The following SLC14A2 variants were observed in gnomAD, a reference collection of about 807,000 sequenced individuals.
SLC14A2 encodes solute carrier family 14 member 2.
Under a neutral mutation model 104.6 loss-of-function variants are expected in SLC14A2, and 91 were observed. The ratio of observed to expected loss-of-function variants is 0.87; its 90% CI spans 0.73 to 1.04. The LOEUF (loss-of-function observed/expected upper bound fraction) is 1.04, where lower values mean the gene tolerates loss of function less well. Ranked by LOEUF, SLC14A2 falls within the 50% of genes least tolerant of loss-of-function variation. The probability of loss-of-function intolerance (pLI) is 0.00; values close to 1 mark genes in which losing one functional copy is unlikely to be tolerated. For synonymous variants in SLC14A2, 476 were observed against 466.4 expected, an observed-to-expected ratio of 1.02 and a Z score of -0.27; for missense variants, 1,189 against 1,156.0, an observed-to-expected ratio of 1.03 and a Z score of -0.41.
chr18:45,574,938 C>T (rs2044398365), intron 2 of SLC14A2, among the ~76,000 whole-genome samples: 1 of 152,202 alleles, frequency 6.6e-6, no homozygotes, highest in Admixed American at 6.5e-5. Context: ...TGGCCTCCTT[C>T]AAGTCCTGAA....
At chr18:45,481,410 T>C (rs1263614613) in intron 1 of SLC14A2, among the ~76,000 whole-genome samples, 6 of 152,214 alleles carry the variant, frequency 3.9e-5, no homozygotes, top group Non-Finnish European at 8.8e-5. Context: ...CGCAAATTAC[T>C]GCAATTAATA....
At chr18:45,416,137 A>C (rs575396675) in intron 1 of SLC14A2, among the ~76,000 whole-genome samples, 1 of 152,220 alleles carries the variant, frequency 6.6e-6, no homozygotes, top group South Asian at 2.1e-4. Context: ...GAAAGAATAT[A>C]ATATGGAGAG....
chr18:45,240,354 C>T (rs1197908563), intron 1 of SLC14A2, among the ~76,000 whole-genome samples: 1 of 151,964 alleles, frequency 6.6e-6, no homozygotes, highest in African/African-American at 2.4e-5. Flanking sequence ...CTCGGCCCCC[C>T]AAAGCTCTGG....
chr18:45,193,007 T>A, the SLC14A2 span, among the ~76,000 whole-genome samples: 2 of 152,300 alleles, frequency 1.3e-5, no homozygotes, highest in South Asian at 4.1e-4. Flanking sequence ...CTAATGATTA[T>A]CTTGTCATAT....
chr18:45,667,972 C>T lies in SLC14A2; in HGVS notation c.1857C>T (p.Cys619=), dbSNP rs2046058266. 2 of 1,614,028 alleles carry T rather than the reference C, an allele frequency of 1.2e-6. No individual in the cohort carries two copies. Among genetic ancestry groups the T allele is most frequent in the Non-Finnish European group, 1.7e-6 (2 of 1,180,016 alleles). ...IQNPWWAISG[C]LGTIMSTLTA... ...ACCCCTGGTGGGCGATCTCAGGCTG[C>T]CTGGGTACCATCATGTCCACCTTGA... The change falls in exon 14 of 20, where the codon TGC becomes TGT. Residue 619 remains cysteine (C), a synonymous_variant. Transcript: ENST00000255226.
At chr18:45,539,424 G>A (rs894339083) in intron 2 of SLC14A2, among the ~76,000 whole-genome samples, 3 of 152,198 alleles carry the variant, frequency 2.0e-5, no homozygotes, top group African/African-American at 7.2e-5. Flanking sequence ...GACAGGCCAG[G>A]CCAATGGAGT....
chr18:45,658,243 G>A (rs1331890866), intron 10 of SLC14A2, among the ~76,000 whole-genome samples: 2 of 152,008 alleles, frequency 1.3e-5, no homozygotes, highest in East Asian at 3.9e-4. Flanking sequence ...ACTGAAAGAT[G>A]GACAACATCA....
chr18:45,659,851 G>A (rs201220532), intron 10 of SLC14A2, among the ~76,000 whole-genome samples: 91 of 151,980 alleles, frequency 6.0e-4, no homozygotes, highest in African/African-American at 9.4e-4. Context: ...CAGGCTGGAC[G>A]TGGTGGCTCA....
intron 1 of SLC14A2, among the ~76,000 whole-genome samples, chr18:45,305,957 A>G (rs1053565782): frequency 1.3e-5 from 2 of 152,266 alleles, no homozygotes; most frequent in Non-Finnish European, 2.9e-5. Flanking sequence ...TAGGGAGCAT[A>G]TTAAATCTTC....
intron 1 of SLC14A2, among the ~76,000 whole-genome samples, chr18:45,439,075 C>T (rs1398609530): frequency 2.6e-5 from 4 of 152,120 alleles, no homozygotes; most frequent in East Asian, 3.9e-4. Flanking sequence ...ACTTGAGGGC[C>T]GGAGTTGGAG....
chr18:45,195,465 C>T, the SLC14A2 span, among the ~76,000 whole-genome samples: 1 of 152,160 alleles, frequency 6.6e-6, no homozygotes, highest in East Asian at 1.9e-4. Context: ...GATCTTGGCT[C>T]ACCACAACCT....
intron 1 of SLC14A2, among the ~76,000 whole-genome samples, chr18:45,439,904 G>C (rs1280019167): frequency 6.6e-6 from 1 of 152,188 alleles, no homozygotes; most frequent in Admixed American, 6.5e-5. Flanking sequence ...GAGACTCTAT[G>C]CTTTTTTTCT....
chr18:45,638,584 T>C (rs1193274920), intron 6 of SLC14A2, among the ~76,000 whole-genome samples: 1 of 152,146 alleles, frequency 6.6e-6, no homozygotes, highest in Non-Finnish European at 1.5e-5. Context: ...TCAGAATGTC[T>C]AGGGAAGAGC....
intron 1 of SLC14A2, among the ~76,000 whole-genome samples, chr18:45,325,767 A>T (rs2085228497): frequency 6.6e-6 from 1 of 152,136 alleles, no homozygotes; most frequent in African/African-American, 2.4e-5. Flanking sequence ...TGATCAATGG[A>T]TGCTAACCAG....
At chr18:45,380,579 A>G (rs956994961) in intron 1 of SLC14A2, among the ~76,000 whole-genome samples, 1 of 152,212 alleles carries the variant, frequency 6.6e-6, no homozygotes, top group Non-Finnish European at 1.5e-5. Context: ...AGTGGAATGC[A>G]TTCATTCTAC....
intron 2 of SLC14A2, among the ~76,000 whole-genome samples, chr18:45,574,643 G>A (rs1424174050): frequency 1.3e-5 from 2 of 152,212 alleles, no homozygotes; most frequent in Non-Finnish European, 1.5e-5. Flanking sequence ...TATACCATAT[G>A]GGTAAATATG....
rs185404986 is a variant in SLC14A2, at chr18:45,472,891, T to G, written c.-124-10342T>G. On this transcript the variant is annotated intron_variant, in intron 1 of 20. Coordinates refer to the SLC14A2 transcript ENST00000586448. ...AGCTCTTTAATTTAATTAGATCCCATTTGTCAATTCTGGCTTTTGTTGCCA... is the reference window on the plus strand; with the variant it reads ...AGCTCTTTAATTTAATTAGATCCCAGTTGTCAATTCTGGCTTTTGTTGCCA... Among the ~76,000 whole-genome samples, 62 of 152,334 alleles carry G rather than the reference T, an allele frequency of 4.1e-4. 1 individual carries two copies. In the East Asian group the frequency reaches 6.2e-3, roughly 15 times the overall value.
At chr18:45,297,643 G>T (rs994398053) in intron 1 of SLC14A2, among the ~76,000 whole-genome samples, 26 of 148,384 alleles carry the variant, frequency 1.8e-4, no homozygotes, top group Non-Finnish European at 3.9e-4. Flanking sequence ...TGATCCAACA[G>T]GATTGCTGGG....
intron 1 of SLC14A2, among the ~76,000 whole-genome samples, chr18:45,303,074 G>A (rs971488973): frequency 6.6e-6 from 1 of 152,022 alleles, no homozygotes; most frequent in Non-Finnish European, 1.5e-5. Flanking sequence ...TAAATTTAAA[G>A]GAGTTTAATT....
Sources: gnomAD v4.1 joint callset for allele counts (sites outside exome capture counted in the v4.1 genomes callset) on GRCh38, gnomAD v4.1.1 for gene constraint, MANE v1.5 for transcripts, NCBI Gene and HGNC (gene_info 2026-07-23, HGNC 2026-07-21) for gene names.